Variants in EDIL3 observed in about 807,000 individuals in gnomAD.
EDIL3 encodes EGF like and discoidin domains 3.
A neutral mutation model predicts 67.4 loss-of-function variants in EDIL3; 37 were observed. The ratio of observed to expected loss-of-function variants is 0.55; its 90% CI spans 0.42 to 0.72. The LOEUF is 0.72. Among genes scored for constraint, EDIL3 ranks in the 30% least tolerant of loss-of-function variants. EDIL3 has a pLI of 0.00. For missense variants in EDIL3, 527 were observed against 586.3 expected (o/e 0.90, Z 1.04); for synonymous variants, 195 against 196.3 (o/e 0.99, Z 0.05).
intron 6 of EDIL3, among the ~76,000 whole-genome samples, chr5:84,096,650 G>A (rs1265897547): frequency 6.6e-6 from 1 of 152,150 alleles, no homozygotes; most frequent in Non-Finnish European, 1.5e-5. Context: ...AGACTTTTGA[G>A]TTAATGCTGA....
At chr5:84,069,557 G>T (rs1221021931) in intron 6 of EDIL3, among the ~76,000 whole-genome samples, 4 of 150,472 alleles carry the variant, frequency 2.7e-5, no homozygotes, top group Non-Finnish European at 4.4e-5. Flanking sequence ...TAAGTTTTTG[G>T]TTTTTTTTTA....
chr5:83,979,952 T>C (rs544858150), intron 9 of EDIL3, among the ~76,000 whole-genome samples: 15 of 152,244 alleles, frequency 9.9e-5, no homozygotes, highest in South Asian at 6.2e-4. Flanking sequence ...ATGACATCAA[T>C]GTCTTGTAGG....
chr5:84,290,387 T>G (rs1745890057), intron 1 of EDIL3, among the ~76,000 whole-genome samples: 1 of 152,182 alleles, frequency 6.6e-6, no homozygotes, highest in African/African-American at 2.4e-5. Context: ...AATCTCCATT[T>G]CAGACTCTGG....
intron 1 of EDIL3, among the ~76,000 whole-genome samples, chr5:84,348,216 A>G (rs1394288862): frequency 6.6e-6 from 1 of 152,194 alleles, no homozygotes; most frequent in Non-Finnish European, 1.5e-5. Flanking sequence ...TGGAAGCTAG[A>G]GTATTTATAC....
intron 10 of EDIL3, among the ~76,000 whole-genome samples, chr5:83,962,973 T>G (rs184565276): frequency 6.6e-6 from 1 of 151,804 alleles, no homozygotes; most frequent in Admixed American, 6.6e-5. Context: ...AGGCAATTAA[T>G]AGTATGAAAA....
chr5:84,157,276 G>T (rs890945416), intron 4 of EDIL3, among the ~76,000 whole-genome samples: 2 of 151,774 alleles, frequency 1.3e-5, no homozygotes, highest in Admixed American at 6.6e-5. Context: ...CCCAAGACAC[G>T]TTTACCTATA....
At chr5:84,137,444 T>C in intron 4 of EDIL3, 90 bp from the exon 5 acceptor site, 1 of 1,105,098 alleles carries the variant, frequency 9.0e-7, no homozygotes, top group Non-Finnish European at 1.3e-6. Context: ...TACAAATGTC[T>C]TAGTAATGCT....
At chr5:84,251,817 T>C (rs541480999) in intron 2 of EDIL3, among the ~76,000 whole-genome samples, 5 of 152,256 alleles carry the variant, frequency 3.3e-5, no homozygotes, top group African/African-American at 1.2e-4. Flanking sequence ...CACATGAAAA[T>C]AGAATTGGTG....
chr5:83,984,106 G>A lies in EDIL3; in HGVS notation c.1138-20746C>T, dbSNP rs140068826. 6.3e-3 allele frequency among the ~76,000 whole-genome samples: 965 copies of A among 152,138 alleles called. 5 individuals carry two copies. The highest frequency in any genetic ancestry group is 0.022 in the African/African-American group (900 of 41,524). ...TAAGTCAGGGCAGTTGGTTCAGAGC[G>A]TCTTGGGAAACAGGAAGTTAAGAAT... On this transcript the variant is annotated intron_variant, in intron 9 of 10. Coordinates refer to ENST00000296591, the MANE Select transcript of EDIL3 (RefSeq NM_005711.5).
At chr5:84,259,426 T>A (rs1369017858) in intron 1 of EDIL3, among the ~76,000 whole-genome samples, 4 of 152,226 alleles carry the variant, frequency 2.6e-5, no homozygotes, top group African/African-American at 9.6e-5. Context: ...TGATGTTTCT[T>A]GGCCGGCTGG....
intron 4 of EDIL3, among the ~76,000 whole-genome samples, chr5:84,171,824 T>C (rs1480877742): frequency 6.6e-6 from 1 of 152,186 alleles, no homozygotes; most frequent in African/African-American, 2.4e-5. Flanking sequence ...TATGCCATAC[T>C]CCAGATAAAT....
rs2301078 is a variant in EDIL3, at chr5:84,016,737, C to T, written c.1137+43563G>A. Among the ~76,000 whole-genome samples the T allele has an allele frequency of 1.9e-3, 291 of 152,204 alleles. 5 individuals are homozygous for T. The East Asian group carries it at 0.052, about 27-fold the overall frequency. ...CCTGGGCCTCATTCTCAAGGGATTT[C>T]AATACATATATATGTAAACATTCCA... is the stretch of plus-strand genomic sequence containing the variant. On this transcript the variant is annotated intron_variant, in intron 9 of 10. Transcript: ENST00000296591.
chr5:84,091,754 C>G (rs1002216059), intron 6 of EDIL3, among the ~76,000 whole-genome samples: 1 of 152,170 alleles, frequency 6.6e-6, no homozygotes, highest in Non-Finnish European at 1.5e-5. Context: ...AATTTCTCAC[C>G]TTTGGGGACT....
At chr5:84,148,784 G>C (rs971959977) in intron 4 of EDIL3, among the ~76,000 whole-genome samples, 2 of 152,158 alleles carry the variant, frequency 1.3e-5, no homozygotes, top group Non-Finnish European at 2.9e-5. Context: ...TAAAAATGCT[G>C]TCTCCAAGCC....
chr5:84,151,015 G>A (rs1748379369), intron 4 of EDIL3, among the ~76,000 whole-genome samples: 1 of 152,074 alleles, frequency 6.6e-6, no homozygotes. Context: ...TGAAGTTGAA[G>A]GGGCAGGAAG....
intron 2 of EDIL3, among the ~76,000 whole-genome samples, chr5:84,248,772 T>C (rs1744962833): frequency 1.3e-5 from 2 of 152,164 alleles, no homozygotes; most frequent in African/African-American, 4.8e-5. Flanking sequence ...TCCCAAACTC[T>C]TTTTCTTCAT....
intron 8 of EDIL3, among the ~76,000 whole-genome samples, chr5:84,063,045 C>A (rs927513937): frequency 6.6e-6 from 1 of 152,102 alleles, no homozygotes; most frequent in African/African-American, 2.4e-5. Context: ...GGAGATGCAG[C>A]ACTGCTTCTT....
chr5:84,219,553 G>A (rs2112398521), intron 3 of EDIL3, among the ~76,000 whole-genome samples: 1 of 152,246 alleles, frequency 6.6e-6, no homozygotes, highest in Admixed American at 6.5e-5. Flanking sequence ...AAACAATTTG[G>A]AGGTTCCTCA....
At chr5:84,366,515 T>C (rs79602476) in intron 1 of EDIL3, among the ~76,000 whole-genome samples, 2,228 of 152,336 alleles carry the variant, frequency 0.015, 62 homozygotes, top group African/African-American at 0.051. Context: ...TGTAGATTTC[T>C]GTGATCTGTT....
Sources: gnomAD v4.1 joint callset for allele counts (sites outside exome capture counted in the v4.1 genomes callset) on GRCh38, gnomAD v4.1.1 for gene constraint, MANE v1.5 for transcripts, NCBI Gene and HGNC (gene_info 2026-07-23, HGNC 2026-07-21) for gene names.